The following TMEM117 variants were observed in gnomAD, a reference collection of about 807,000 sequenced individuals.
TMEM117 encodes the protein transmembrane protein 117.
Under a neutral mutation model 52.4 loss-of-function variants are expected in TMEM117, and 27 were observed. The ratio of observed to expected loss-of-function variants is 0.51; its 90% CI spans 0.38 to 0.71. TMEM117 has a LOEUF of 0.71. Among genes scored for constraint, TMEM117 ranks in the 30% least tolerant of loss-of-function variants. The pLI is 0.00. For missense variants in TMEM117, 556 were observed against 630.5 expected (o/e 0.88, Z 1.26); for synonymous variants, 215 against 206.3 (o/e 1.04, Z -0.36).
At chr12:44,089,472 C>T (rs1947626836) in intron 3 of TMEM117, among the ~76,000 whole-genome samples, 1 of 152,094 alleles carries the variant, frequency 6.6e-6, no homozygotes, top group Non-Finnish European at 1.5e-5. Flanking sequence ...AGTCTTGTGC[C>T]ATACTCAAAA....
intron 3 of TMEM117, among the ~76,000 whole-genome samples, chr12:43,951,812 G>C (rs563783213): frequency 5.3e-5 from 8 of 152,322 alleles, no homozygotes; most frequent in Admixed American, 5.2e-4. Context: ...GCCTCCTCAA[G>C]AGGGTCCCTG....
chr12:43,907,372 T>C (rs1944411248), intron 2 of TMEM117, among the ~76,000 whole-genome samples: 1 of 150,616 alleles, frequency 6.6e-6, no homozygotes, highest in African/African-American at 2.4e-5. Flanking sequence ...AGACCAAAAG[T>C]AGATAAAACC....
At chr12:44,188,513 A>G (rs1949307871) in intron 4 of TMEM117, among the ~76,000 whole-genome samples, 1 of 152,146 alleles carries the variant, frequency 6.6e-6, no homozygotes, top group Admixed American at 6.6e-5. Flanking sequence ...TACCAGTTAT[A>G]TCTTATCTCT....
intron 5 of TMEM117, among the ~76,000 whole-genome samples, chr12:44,284,057 G>C (rs1019521856): frequency 6.6e-6 from 1 of 152,190 alleles, no homozygotes; most frequent in African/African-American, 2.4e-5. Flanking sequence ...GCTCACATCT[G>C]TAATCCCAGC....
chr12:44,126,014 T>C (rs774959723), intron 3 of TMEM117, among the ~76,000 whole-genome samples: 3 of 152,216 alleles, frequency 2.0e-5, no homozygotes, highest in Admixed American at 6.5e-5. Context: ...TTCCATGTAG[T>C]ATATGGTTTG....
chr12:44,134,710 G>A (rs899502178), intron 3 of TMEM117, among the ~76,000 whole-genome samples: 1 of 152,080 alleles, frequency 6.6e-6, no homozygotes, highest in Non-Finnish European at 1.5e-5. Context: ...ATTTCTAAAA[G>A]GCTAGAAGAA....
At chr12:43,987,519 G>A (rs990594150) in intron 3 of TMEM117, among the ~76,000 whole-genome samples, 1 of 148,256 alleles carries the variant, frequency 6.7e-6, no homozygotes, top group African/African-American at 2.5e-5. Context: ...ACATTTTACT[G>A]TGAATTAACC....
At chr12:44,048,957 A>G (rs1490732652) in intron 3 of TMEM117, among the ~76,000 whole-genome samples, 2 of 152,184 alleles carry the variant, frequency 1.3e-5, no homozygotes, top group Non-Finnish European at 2.9e-5. Context: ...CTACTTTTTT[A>G]TATTTATATA....
intron 6 of TMEM117, among the ~76,000 whole-genome samples, chr12:44,330,771 C>T (rs2138723449): frequency 6.6e-6 from 1 of 152,134 alleles, no homozygotes; most frequent in South Asian, 2.1e-4. Flanking sequence ...TGTCCATAGG[C>T]AGCTTGTGCA....
intron 5 of TMEM117, among the ~76,000 whole-genome samples, chr12:44,279,397 C>T (rs1950551545): frequency 6.6e-6 from 1 of 152,282 alleles, no homozygotes; most frequent in South Asian, 2.1e-4. Context: ...TTTTTCTCTT[C>T]ACCCTTACCA....
chr12:44,284,310 CA>C (rs1002158073), intron 5 of TMEM117, among the ~76,000 whole-genome samples: 9 of 145,698 alleles, frequency 6.2e-5, no homozygotes, highest in Non-Finnish European at 7.6e-5. Flanking sequence ...GACTCCGTCT[CA>C]AAAAAAAAAC....
chr12:44,152,345 T>C (rs1948748854), intron 4 of TMEM117, among the ~76,000 whole-genome samples: 1 of 109,896 alleles, frequency 9.1e-6, no homozygotes, highest in South Asian at 3.2e-4. Flanking sequence ...TATATATAAA[T>C]TTATATATTT....
At chr12:43,913,279 C>T (rs575014425) in intron 2 of TMEM117, among the ~76,000 whole-genome samples, 19 of 152,302 alleles carry the variant, frequency 1.2e-4, no homozygotes, top group African/African-American at 4.6e-4. Context: ...ATAGCTGCTG[C>T]ATCTGCTTCA....
chr12:44,127,706 C>T (rs1192365678), intron 3 of TMEM117, among the ~76,000 whole-genome samples: 7 of 152,014 alleles, frequency 4.6e-5, no homozygotes, highest in African/African-American at 1.7e-4. Flanking sequence ...AAAATAGTTT[C>T]TTCTTGATAA....
At chr12:44,069,795 T>A (rs1910903) in intron 3 of TMEM117, among the ~76,000 whole-genome samples, 2,088 of 152,290 alleles carry the variant, frequency 0.014, 61 homozygotes, top group African/African-American at 0.048. Flanking sequence ...GAGAATTGCT[T>A]TTCTTATTGT....
At chr12:43,886,399 C>T (rs7969724) in intron 2 of TMEM117, among the ~76,000 whole-genome samples, 15,796 of 152,082 alleles carry the variant, frequency 0.1, 2,469 homozygotes, top group African/African-American at 0.34. Context: ...TGGGATGTTT[C>T]ACTTAGATTT....
At chr12:43,963,194 A>T (rs904434604) in intron 3 of TMEM117, among the ~76,000 whole-genome samples, 2 of 150,170 alleles carry the variant, frequency 1.3e-5, no homozygotes, top group Non-Finnish European at 3.0e-5. Flanking sequence ...TTATATTTTA[A>T]ATATATTACT....
chr12:44,244,993 T>C (rs574297579), intron 5 of TMEM117, among the ~76,000 whole-genome samples: 22 of 152,172 alleles, frequency 1.4e-4, no homozygotes, highest in African/African-American at 3.1e-4. Flanking sequence ...AAAAATCAAT[T>C]GACTATAAAT....
chr12:44,146,396 A>T (rs1948642562), intron 4 of TMEM117, among the ~76,000 whole-genome samples: 1 of 152,248 alleles, frequency 6.6e-6, no homozygotes, highest in African/African-American at 2.4e-5. Flanking sequence ...ACCGTGTTCT[A>T]GGTTGAACCT....
Sources: allele counts gnomAD v4.1 joint callset (sites outside exome capture counted in the v4.1 genomes callset), GRCh38; gene constraint gnomAD v4.1.1; transcripts MANE v1.5; gene names NCBI Gene and HGNC (gene_info 2026-07-23, HGNC 2026-07-21).